The following ULK4 variants were observed in gnomAD, a reference collection of about 807,000 sequenced individuals.
The protein encoded by ULK4 is unc-51 like kinase 4, also known as inactive serine/threonine-protein kinase ULK4.
Under a neutral mutation model 160.6 loss-of-function variants are expected in ULK4, and 133 were observed. The ratio of observed to expected loss-of-function variants is 0.83; its 90% CI spans 0.72 to 0.96. The LOEUF is 0.96. ULK4 is among the 40% of genes least tolerant of loss of function. The pLI is 0.00. For synonymous variants in ULK4, 534 were observed against 539.8 expected, an observed-to-expected ratio of 0.99 and a Z score of 0.15; for missense variants, 1,580 against 1,499.5, an observed-to-expected ratio of 1.05 and a Z score of -0.89.
chr3:41,506,018 A>G (rs569644334), intron 32 of ULK4, among the ~76,000 whole-genome samples: 48 of 152,258 alleles, frequency 3.2e-4, no homozygotes, highest in African/African-American at 1.1e-3. Flanking sequence ...AATTATAAAT[A>G]TATGTTTGTC....
At chr3:41,454,452 A>G (rs1485556384) in intron 34 of ULK4, among the ~76,000 whole-genome samples, 1 of 149,362 alleles carries the variant, frequency 6.7e-6, no homozygotes, top group African/African-American at 2.5e-5. Flanking sequence ...AGGCAGGAGA[A>G]TTGCTTGAAC....
At chr3:41,314,316 C>A (rs1263262682) in intron 35 of ULK4, among the ~76,000 whole-genome samples, 2 of 152,248 alleles carry the variant, frequency 1.3e-5, no homozygotes, top group Non-Finnish European at 2.9e-5. Flanking sequence ...GAACAGTGAA[C>A]ACTATACCCA....
intron 27 of ULK4, among the ~76,000 whole-genome samples, chr3:41,700,966 G>A (rs1387832549): frequency 4.6e-5 from 7 of 151,900 alleles, no homozygotes; most frequent in African/African-American, 1.2e-4. Flanking sequence ...GAAACTCAAC[G>A]TGCTATATGT....
At chr3:41,880,945 A>C (rs945772981) in intron 17 of ULK4, among the ~76,000 whole-genome samples, 10 of 152,134 alleles carry the variant, frequency 6.6e-5, no homozygotes, top group African/African-American at 1.4e-4. Context: ...AAGTAAGTAA[A>C]ATAAAATAAG....
chr3:41,915,010 G>T (rs1354863561), intron 8 of ULK4, among the ~76,000 whole-genome samples: 1 of 152,064 alleles, frequency 6.6e-6, no homozygotes, highest in African/African-American at 2.4e-5. Flanking sequence ...CTCAGAAATG[G>T]AAATGGAAAA....
intron 32 of ULK4, among the ~76,000 whole-genome samples, chr3:41,533,808 ACTTT>A (rs2086401313): frequency 6.6e-6 from 1 of 152,088 alleles, no homozygotes; most frequent in Admixed American, 6.6e-5. Context: ...TAGAAAGTAC[ACTTT>A]CTTTTTGTTT....
intron 35 of ULK4, among the ~76,000 whole-genome samples, chr3:41,318,259 T>A (rs906395646): frequency 1.7e-4 from 26 of 152,328 alleles, no homozygotes; most frequent in Non-Finnish European, 3.2e-4. Flanking sequence ...GATTTTTTTT[T>A]AATTAGAGTC....
intron 29 of ULK4, among the ~76,000 whole-genome samples, chr3:41,673,341 CACG>C (rs1217289226): frequency 6.6e-6 from 1 of 152,096 alleles, no homozygotes; most frequent in Non-Finnish European, 1.5e-5. Context: ...TAGTCAAACG[CACG>C]ACTTTTGCTG....
intron 31 of ULK4, among the ~76,000 whole-genome samples, chr3:41,577,791 T>C (rs2088246827): frequency 6.6e-6 from 1 of 152,230 alleles, no homozygotes; most frequent in African/African-American, 2.4e-5. Flanking sequence ...ATCTCATAAT[T>C]ATTTACCTAA....
chr3:41,844,087 G>A (rs1055159405), intron 17 of ULK4, among the ~76,000 whole-genome samples: 9 of 152,168 alleles, frequency 5.9e-5, no homozygotes. Flanking sequence ...CACCAGACTC[G>A]GGAGCACCGC....
chr3:41,568,795 A>G (rs1035349716), intron 31 of ULK4, among the ~76,000 whole-genome samples: 1 of 152,164 alleles, frequency 6.6e-6, no homozygotes, highest in Non-Finnish European at 1.5e-5. Context: ...TCAACTCCAC[A>G]AAATCTACCG....
intron 22 of ULK4, among the ~76,000 whole-genome samples, chr3:41,745,911 G>C (rs1575640985): frequency 6.6e-6 from 1 of 150,440 alleles, no homozygotes; most frequent in African/African-American, 2.5e-5. Flanking sequence ...AATTGATAGA[G>C]AAAAAGCATT....
intron 6 of ULK4, 111 bp downstream of exon 6, chr3:41,919,606 T>TAA (rs1044088131): frequency 1.1e-6 from 1 of 900,208 alleles, no homozygotes; most frequent in African/African-American, 1.7e-5. Context: ...TGTCTCAAAA[T>TAA]AAAAAAAAAT....
chr3:41,479,266 A>G (rs2084238486), intron 32 of ULK4, among the ~76,000 whole-genome samples: 1 of 152,226 alleles, frequency 6.6e-6, no homozygotes, highest in Non-Finnish European at 1.5e-5. Flanking sequence ...TTCGGGAGAA[A>G]ATCAGCATCA....
At chr3:41,384,815 C>A (rs1003390086) in intron 35 of ULK4, among the ~76,000 whole-genome samples, 2 of 152,146 alleles carry the variant, frequency 1.3e-5, no homozygotes, top group African/African-American at 4.8e-5. Context: ...GAACCCCTGA[C>A]CTCAGGTGAT....
At chr3:41,560,205 C>A (rs909351528) in intron 32 of ULK4, among the ~76,000 whole-genome samples, 2 of 152,152 alleles carry the variant, frequency 1.3e-5, no homozygotes, top group African/African-American at 4.8e-5. Context: ...GGCCTCTGTT[C>A]TGTTCCATTG....
intron 35 of ULK4, among the ~76,000 whole-genome samples, chr3:41,318,975 G>A (rs2080197367): frequency 6.6e-6 from 1 of 152,174 alleles, no homozygotes; most frequent in Non-Finnish European, 1.5e-5. Flanking sequence ...CAGTAACACT[G>A]ATTATATTAT....
chr3:41,250,679 T>C (rs1000100512), intron 35 of ULK4, among the ~76,000 whole-genome samples: 7 of 152,200 alleles, frequency 4.6e-5, no homozygotes, highest in African/African-American at 9.6e-5. Flanking sequence ...AACATTAACA[T>C]GAACTCTGAA....
At chr3:41,451,674 T>C (rs527540290) in intron 34 of ULK4, among the ~76,000 whole-genome samples, 34 of 152,128 alleles carry the variant, frequency 2.2e-4, no homozygotes, top group African/African-American at 7.2e-4. Flanking sequence ...ATTCAAGTAA[T>C]TGGGGGATAG....
Sources: gnomAD v4.1 joint callset for allele counts (sites outside exome capture counted in the v4.1 genomes callset) on GRCh38, gnomAD v4.1.1 for gene constraint, MANE v1.5 for transcripts, NCBI Gene and HGNC (gene_info 2026-07-23, HGNC 2026-07-21) for gene names.